The following SLC8A1 variants were observed in gnomAD, a reference collection of about 807,000 sequenced individuals.
SLC8A1 encodes sodium/calcium exchanger 1.
Under a neutral mutation model 68.3 loss-of-function variants are expected in SLC8A1, and 18 were observed. The observed-to-expected ratio is 0.26, with a 90% confidence interval of 0.18 to 0.39. The LOEUF is 0.39. SLC8A1 is among the 10% of genes least tolerant of loss of function. SLC8A1 has a pLI of 1.00. For missense variants in SLC8A1, 985 were observed against 1,156.7 expected, an observed-to-expected ratio of 0.85 and a Z score of 2.15; for synonymous variants, 475 against 415.5, an observed-to-expected ratio of 1.14 and a Z score of -1.74.
intron 2 of SLC8A1, among the ~76,000 whole-genome samples, chr2:40,207,931 T>C (rs2055796507): frequency 6.6e-6 from 1 of 152,140 alleles, no homozygotes; most frequent in East Asian, 1.9e-4. Flanking sequence ...CAAAGTATGC[T>C]GCAGCTCTGG....
At chr2:40,191,409 A>T (rs897941269) in intron 2 of SLC8A1, among the ~76,000 whole-genome samples, 4 of 152,226 alleles carry the variant, frequency 2.6e-5, no homozygotes, top group Non-Finnish European at 5.9e-5. Flanking sequence ...TAAGCATCAC[A>T]AGATAAAATC....
intron 2 of SLC8A1, among the ~76,000 whole-genome samples, chr2:40,411,701 T>G: frequency 6.6e-6 from 1 of 152,172 alleles, no homozygotes; most frequent in Middle Eastern, 3.4e-3. Flanking sequence ...CTTTAAAGAA[T>G]TTTATTCATA....
At chr2:40,265,027 C>A (rs1486950004) in intron 2 of SLC8A1, among the ~76,000 whole-genome samples, 3 of 152,056 alleles carry the variant, frequency 2.0e-5, no homozygotes, top group Non-Finnish European at 4.4e-5. Flanking sequence ...CTTGCTTTGG[C>A]TAATGAAATG....
chr2:40,116,458 C>T (rs574066227), intron 7 of SLC8A1, among the ~76,000 whole-genome samples: 1 of 151,564 alleles, frequency 6.6e-6, no homozygotes, highest in African/African-American at 2.4e-5. Context: ...TGCTATCCCT[C>T]CCCCAACCCC....
intron 1 of SLC8A1, among the ~76,000 whole-genome samples, chr2:40,509,032 T>C (rs1012931178): frequency 6.6e-6 from 1 of 152,182 alleles, no homozygotes; most frequent in Non-Finnish European, 1.5e-5. Flanking sequence ...GAGGCCATTT[T>C]CTCCTCAACA....
chr2:40,417,668 TA>T (rs1328964249), intron 2 of SLC8A1, among the ~76,000 whole-genome samples: 4 of 152,048 alleles, frequency 2.6e-5, no homozygotes, highest in Non-Finnish European at 5.9e-5. Flanking sequence ...GCCACAGGGA[TA>T]AAATGAGGAT....
chr2:40,162,563 AT>A (rs201709338), intron 5 of SLC8A1, among the ~76,000 whole-genome samples: 1,947 of 152,336 alleles, frequency 0.013, 55 homozygotes, highest in African/African-American at 0.045. Context: ...CTCAGGGTAG[AT>A]TTTAAACTGT....
intron 7 of SLC8A1, among the ~76,000 whole-genome samples, chr2:40,125,617 C>T (rs1203404662): frequency 6.6e-6 from 1 of 152,108 alleles, no homozygotes; most frequent in Non-Finnish European, 1.5e-5. Flanking sequence ...CACAAAATTG[C>T]TTTGCATATT....
chr2:40,483,070 C>A (rs1704744967), intron 1 of SLC8A1, among the ~76,000 whole-genome samples: 1 of 151,406 alleles, frequency 6.6e-6, no homozygotes, highest in African/African-American at 2.4e-5. Flanking sequence ...TCCCAAAGGG[C>A]TGGGATTACA....
intron 1 of SLC8A1, among the ~76,000 whole-genome samples, chr2:40,450,717 C>T (rs1355913154): frequency 6.6e-6 from 1 of 152,132 alleles, no homozygotes; most frequent in East Asian, 1.9e-4. Flanking sequence ...TATTCACAAC[C>T]ACTAGTAGCT....
intron 2 of SLC8A1, among the ~76,000 whole-genome samples, chr2:40,341,534 C>G (rs552821546): frequency 1.3e-5 from 2 of 152,100 alleles, no homozygotes; most frequent in Non-Finnish European, 2.9e-5. Flanking sequence ...TTTCCTTGGC[C>G]TATCTTCTAT....
At chr2:40,266,258 A>G (rs539892478) in intron 2 of SLC8A1, among the ~76,000 whole-genome samples, 1 of 152,286 alleles carries the variant, frequency 6.6e-6, no homozygotes, top group South Asian at 2.1e-4. Flanking sequence ...CAGGTCTCCT[A>G]TTCTCCATCT....
chr2:40,452,581 A>T (rs565896732), upstream of SLC8A1, among the ~76,000 whole-genome samples: 1 of 152,122 alleles, frequency 6.6e-6, no homozygotes, highest in Non-Finnish European at 1.5e-5. Flanking sequence ...GACTTTGTTA[A>T]TCCAACTATC....
At chr2:40,407,149 C>T (rs1437277899) in intron 2 of SLC8A1, among the ~76,000 whole-genome samples, 2 of 152,160 alleles carry the variant, frequency 1.3e-5, no homozygotes, top group African/African-American at 4.8e-5. Flanking sequence ...TCACTGCAAC[C>T]TCTGCCTCCT....
At chr2:40,340,853 C>T (rs551838142) in intron 2 of SLC8A1, among the ~76,000 whole-genome samples, 60 of 152,196 alleles carry the variant, frequency 3.9e-4, no homozygotes, top group Middle Eastern at 6.8e-3. Flanking sequence ...ATTTCAGAGA[C>T]AATGAGATAG....
chr2:40,278,050 A>G (rs2066999235), intron 2 of SLC8A1, among the ~76,000 whole-genome samples: 1 of 152,050 alleles, frequency 6.6e-6, no homozygotes, highest in Non-Finnish European at 1.5e-5. Context: ...GTATTTCCTG[A>G]AGTGACTGAA....
At chr2:40,231,485 C>T (rs2059638333) in intron 2 of SLC8A1, among the ~76,000 whole-genome samples, 1 of 152,036 alleles carries the variant, frequency 6.6e-6, no homozygotes. Flanking sequence ...TAGTCCCCCA[C>T]TTTTCACACT....
chr2:40,320,768 G>C (rs1013497418), intron 2 of SLC8A1, among the ~76,000 whole-genome samples: 1 of 152,082 alleles, frequency 6.6e-6, no homozygotes, highest in Non-Finnish European at 1.5e-5. Flanking sequence ...AATCTCTTAA[G>C]AGTCTTCTCA....
At chr2:40,227,962 C>T (rs778484619) in intron 2 of SLC8A1, among the ~76,000 whole-genome samples, 16 of 152,148 alleles carry the variant, frequency 1.1e-4, no homozygotes, top group East Asian at 1.9e-4. Context: ...GTTTTACATA[C>T]GTAAAATTCA....
Sources: allele counts gnomAD v4.1 joint callset (sites outside exome capture counted in the v4.1 genomes callset), GRCh38; gene constraint gnomAD v4.1.1; transcripts MANE v1.5; gene names NCBI Gene and HGNC (gene_info 2026-07-23, HGNC 2026-07-21).